Variants in ZNF470 observed in about 807,000 individuals in gnomAD.
The protein encoded by ZNF470 is chondrogenesis zinc finger protein 1.
ZNF470 carries 13 observed loss-of-function variants against 13.9 expected under a neutral mutation model. The ratio of observed to expected loss-of-function variants is 0.94; its 90% confidence interval spans 0.61 to 1.49. The LOEUF is 1.49. Among genes scored for constraint, ZNF470 ranks in the 40% most tolerant of loss-of-function variants. The pLI is 0.00. For missense variants in ZNF470, 929 were observed against 857.3 expected (o/e 1.08, Z -1.04); for synonymous variants, 293 against 282.9 (o/e 1.04, Z -0.36).
chr19:56,581,169 C>T lies in ZNF470; in HGVS notation c.*2586C>T, dbSNP rs903835807. ...GTGATATTCAAAGTACTATTACAAA[C>T]CAATAATAATCTGCAACTTAGAAAA... On this transcript the variant is annotated 3_prime_UTR_variant, in exon 6 of 6. Coordinates refer to ENST00000330619, the MANE Select transcript of ZNF470 (RefSeq NM_001001668.4). 2 of 788,432 alleles carry T rather than the reference C, an allele frequency of 2.5e-6. No homozygotes were observed. Among genetic ancestry groups the T allele is most frequent in the Non-Finnish European group, 3.1e-6 (2 of 650,758 alleles). The allele number at this position is 788,432 out of a possible 1,614,324, so 48.8% of individuals were successfully genotyped here. A position where few individuals can be genotyped will look rare whatever the true frequency, so the allele number is the denominator to read the frequency against.
At position 56,577,256 on chromosome 19, in the gene ZNF470, G is replaced by C; in HGVS notation, c.827G>C (p.Arg276Thr). The C allele has an allele frequency of 3.7e-6, 6 of 1,612,402 alleles. No homozygotes were observed. The highest frequency in any genetic ancestry group is 5.1e-6 in the Non-Finnish European group (6 of 1,179,202). Residue 276 changes from arginine to threonine, a missense_variant, in exon 6 of 6, where the codon AGA becomes ACA. Arg to Thr is a moderately conservative substitution (Grantham distance 71, BLOSUM62 -1). Transcript: ENST00000330619. ...AGTGCCCACCTTGCTCAACATCAGAGAATACACACAGGAGAAAAACCTTTT... is the reference window on the plus strand; with the variant it reads ...AGTGCCCACCTTGCTCAACATCAGACAATACACACAGGAGAAAAACCTTTT... ...SQSAHLAQHQRIHTGEKPFEC... is the reference protein window; with the variant it reads ...SQSAHLAQHQTIHTGEKPFEC...
At position 56,578,271 on chromosome 19, in the gene ZNF470, T is replaced by G. The variant is rs751912766; in HGVS notation, c.1842T>G (p.Cys614Trp). 1 of 1,613,626 alleles carries G rather than the reference T, an allele frequency of 6.2e-7. No homozygotes were observed. The highest frequency in any genetic ancestry group is 2.2e-5 in the East Asian group (1 of 44,864). Residue 614 changes from cysteine to tryptophan, a missense_variant, in exon 6 of 6, where the codon TGT (cysteine) becomes TGG (tryptophan). Physicochemically the swap from Cys to Trp is radical, Grantham distance 215. Transcript: ENST00000330619. ...QRASLICHQR[C>W]HTGEKPYECN... ...CATCCTTGATTTGTCATCAGAGATG[T>G]CATACTGGTGAGAAACCTTATGAAT...
chr19:56,574,801 A>T (rs996869371), intron 5 of ZNF470, 68 bp downstream of exon 5: 20 of 1,390,712 alleles, frequency 1.4e-5, no homozygotes, highest in Non-Finnish European at 1.9e-5. Flanking sequence ...AGTGTGTTGG[A>T]AAACACCTCT....
chr19:56,567,814 C>G lies in ZNF470; in HGVS notation c.-383C>G. 1.0e-6 allele frequency: 1 copy of G among 986,466 alleles called. No homozygotes were observed. Among genetic ancestry groups the G allele is most frequent in the Admixed American group, 6.1e-5 (1 of 16,290 alleles). The allele number at this position is 986,466 out of a possible 1,614,324, so 61.1% of individuals were successfully genotyped here. On this transcript the variant is annotated 5_prime_UTR_variant, in exon 1 of 6. Coordinates refer to ENST00000330619, the MANE Select transcript of ZNF470 (RefSeq NM_001001668.4). ...GAATGAGTGAAGCACTTTAAGTGGCCAAGAGCAGGAAACCCGGCCGGAGGA... is the reference window on the plus strand; with the variant it reads ...GAATGAGTGAAGCACTTTAAGTGGCGAAGAGCAGGAAACCCGGCCGGAGGA...
rs984306041 is a variant in ZNF470 at position 56,579,813 on chromosome 19, T to C, written c.*1230T>C. ...GATAAAAATATTTCTCCCTAAATTG[T>C]AAATTCATTGATATTCCAGTAAAAA... On this transcript the variant is annotated 3_prime_UTR_variant, in exon 6 of 6. Coordinates refer to ENST00000330619, the MANE Select transcript of ZNF470 (RefSeq NM_001001668.4). 12 of 873,510 alleles carry C rather than the reference T, an allele frequency of 1.4e-5. No individual in the cohort carries two copies. The highest frequency in any genetic ancestry group is 6.2e-5 in the Admixed American group (1 of 16,120). The allele number at this position is 873,510 out of a possible 1,614,324, so 54.1% of individuals were successfully genotyped here. A position where few individuals can be genotyped will look rare whatever the true frequency, so the allele number is the denominator to read the frequency against.
rs766851710 is a variant in ZNF470 at position 56,577,950 on chromosome 19, A to AC, written c.1523dup (p.Tyr509LeufsTer2). The AC allele has an allele frequency of 6.2e-7, 1 of 1,614,062 alleles. No individual in the cohort carries two copies. On this transcript the variant is annotated frameshift_variant, in exon 6 of 6. Coordinates refer to ENST00000330619, the MANE Select transcript of ZNF470 (RefSeq NM_001001668.4). LOFTEE classifies it low-confidence loss of function (END_TRUNC). ...ATCAGAGAATTCATACTGGAGAGAAACCTTATGAATGTAAGGAATGCAGCA... is the reference window on the plus strand; with the variant it reads ...ATCAGAGAATTCATACTGGAGAGAAACCCTTATGAATGTAAGGAATGCAGCA...
rs1177574285 is a variant in ZNF470, at chr19:56,581,003, G to T, written c.*2420G>T. The T allele has an allele frequency of 1.0e-6, 1 of 984,982 alleles. No homozygotes were observed. The highest frequency in any genetic ancestry group is 1.1e-4 in the East Asian group (1 of 8,830). The allele number at this position is 984,982 out of a possible 1,614,324, so 61.0% of individuals were successfully genotyped here. A position where few individuals can be genotyped will look rare whatever the true frequency, so the allele number is the denominator to read the frequency against. ...ACAGAATAATATATATGTACCCTCG[G>T]TTTGAAATAGACTTTAAGCACTAAT... On this transcript the variant is annotated 3_prime_UTR_variant, in exon 6 of 6. Transcript: ENST00000330619.
At position 56,568,013 on chromosome 19, in the gene ZNF470, G is replaced by A. The variant is rs1192511262; in HGVS notation, c.-184G>A. ...CCATGTCCACAGGACGGCGAGGAGC[G>A]AAGACCATGGGGACTGAGTACACAG... On this transcript the variant is annotated 5_prime_UTR_variant, in exon 1 of 6. Coordinates refer to ENST00000330619, the MANE Select transcript of ZNF470 (RefSeq NM_001001668.4). 2 of 985,516 alleles carry A rather than the reference G, an allele frequency of 2.0e-6. No homozygotes were observed. The highest frequency in any genetic ancestry group is 1.2e-6 in the Non-Finnish European group (1 of 830,072). The allele number at this position is 985,516 out of a possible 1,614,324, so 61.0% of individuals were successfully genotyped here.
intron 3 of ZNF470, among the ~76,000 whole-genome samples, chr19:56,572,267 G>A (rs915668769): frequency 7.3e-6 from 1 of 136,358 alleles, no homozygotes; most frequent in Non-Finnish European, 1.5e-5. Context: ...ACTTTGGGAG[G>A]CTGAGGCGGG....
intron 3 of ZNF470, among the ~76,000 whole-genome samples, chr19:56,572,489 C>G (rs903462292): frequency 7.3e-6 from 1 of 137,520 alleles, no homozygotes; most frequent in Non-Finnish European, 1.5e-5. Context: ...TTGCCGTGAG[C>G]CAAGATTGTA....
In ZNF470 at chr19:56,578,659, A is replaced by G. The variant is rs1474132171; in HGVS notation, c.*76A>G. The G allele has an allele frequency of 1.8e-5, 25 of 1,359,910 alleles. No individual in the cohort carries two copies. The highest frequency in any genetic ancestry group is 2.4e-5 in the Non-Finnish European group (25 of 1,050,958). The allele number at this position is 1,359,910 out of a possible 1,614,324, so 84.2% of individuals were successfully genotyped here. A position where few individuals can be genotyped will look rare whatever the true frequency, so the allele number is the denominator to read the frequency against. On this transcript the variant is annotated 3_prime_UTR_variant, in exon 6 of 6. Transcript: ENST00000330619. Reference sequence around the variant, plus strand: ...GTCCCATCATCATAGTCCAAGACGCAACCATCTCATCTGGATTTCTGCAGT... The same window carrying G: ...GTCCCATCATCATAGTCCAAGACGCGACCATCTCATCTGGATTTCTGCAGT...
Position 56,570,371 on chromosome 19 carries a change from G to C in ZNF470, c.60G>C (p.Leu20=). ...AGIKLCKAMS[L]GSVTFTDVAI... Reference sequence around the variant, plus strand: ...TTAAACTTTGTAAAGCCATGTCCCTGGTGAGTTAGTATTCCCCCTCTCCCC... The same window carrying C: ...TTAAACTTTGTAAAGCCATGTCCCTCGTGAGTTAGTATTCCCCCTCTCCCC... Residue 20 remains leucine (L), a splice_region_variant and synonymous_variant, in exon 3 of 6, where the codon CTG becomes CTC. Transcript: ENST00000330619. 6.2e-7 allele frequency: 1 copy of C among 1,613,930 alleles called. No homozygotes were observed. Among genetic ancestry groups the C allele is most frequent in the Non-Finnish European group, 8.5e-7 (1 of 1,179,886 alleles).
At chr19:56,571,465 A>G (rs1422281826) in intron 3 of ZNF470, among the ~76,000 whole-genome samples, 1 of 152,210 alleles carries the variant, frequency 6.6e-6, no homozygotes, top group Non-Finnish European at 1.5e-5. Flanking sequence ...GAAGCTTCAG[A>G]GCTACAGTTC....
In ZNF470 at chr19:56,581,974, C is replaced by T. The variant is rs117563646; in HGVS notation, c.*3391C>T. 1,590 of 985,328 alleles carry T rather than the reference C, an allele frequency of 1.6e-3. 27 individuals are homozygous for T. In the East Asian group the frequency reaches 0.044, roughly 27 times the overall value. 61.0% of individuals were successfully genotyped at this position (985,328 alleles called of 1,614,324 possible). Reference sequence around the variant, plus strand: ...TTCCTCAAACTACCCATTGTCTTTCCGGTACTTGATTTTTGCCTCCTGTTG... The same window carrying T: ...TTCCTCAAACTACCCATTGTCTTTCTGGTACTTGATTTTTGCCTCCTGTTG... On this transcript the variant is annotated 3_prime_UTR_variant, in exon 6 of 6. Coordinates refer to ENST00000330619, the MANE Select transcript of ZNF470 (RefSeq NM_001001668.4).
At position 56,579,067 on chromosome 19, in the gene ZNF470, CATT is replaced by C. The variant is rs1218636937; in HGVS notation, c.*485_*487del. The C allele has an allele frequency of 3.0e-6, 3 of 985,676 alleles. No homozygotes were observed. Among genetic ancestry groups the C allele is most frequent in the Admixed American group, 6.1e-5 (1 of 16,280 alleles). The allele number at this position is 985,676 out of a possible 1,614,324, so 61.1% of individuals were successfully genotyped here. Reference sequence around the variant, plus strand: ...TGGTGGCTTATCACTCCCTCTGTGACATTGTTGATGAGCAACTCTCACTTTACC... The same window carrying C: ...TGGTGGCTTATCACTCCCTCTGTGACGTTGATGAGCAACTCTCACTTTACC... On this transcript the variant is annotated 3_prime_UTR_variant, in exon 6 of 6. Coordinates refer to ENST00000330619, the MANE Select transcript of ZNF470 (RefSeq NM_001001668.4).
In ZNF470 at chr19:56,582,342, A is replaced by G; in HGVS notation, c.*3759A>G. ...CTCTTGAATTTCTAGCATTAAGGCA[A>G]AAAAAATTCACCTAAGGGATTTTGT... On this transcript the variant is annotated 3_prime_UTR_variant, in exon 6 of 6. Transcript: ENST00000330619. 1.0e-6 allele frequency: 1 copy of G among 985,406 alleles called. No homozygotes were observed. The highest frequency in any genetic ancestry group is 1.2e-6 in the Non-Finnish European group (1 of 829,932). The allele number at this position is 985,406 out of a possible 1,614,324, so 61.0% of individuals were successfully genotyped here.
At chr19:56,569,348 C>A (rs561262602) in intron 2 of ZNF470, among the ~76,000 whole-genome samples, 1 of 152,146 alleles carries the variant, frequency 6.6e-6, no homozygotes, top group Non-Finnish European at 1.5e-5. Flanking sequence ...GTCACATGGA[C>A]TCTGTTGTAA....
chr19:56,580,184 G>A lies in ZNF470; in HGVS notation c.*1601G>A. On this transcript the variant is annotated 3_prime_UTR_variant, in exon 6 of 6. Transcript: ENST00000330619. ...GTATTAGAGGATGAGGGAAGAACTA[G>A]AGGTAACTGTGAGACACAAAAGGCA... 2.1e-6 allele frequency: 2 copies of A among 962,860 alleles called. No individual in the cohort carries two copies. Among genetic ancestry groups the A allele is most frequent in the Non-Finnish European group, 2.4e-6 (2 of 823,586 alleles). 59.6% of individuals were successfully genotyped at this position (962,860 alleles called of 1,614,324 possible).
chr19:56,575,852 T>A, intron 5 of ZNF470, among the ~76,000 whole-genome samples: 1 of 151,728 alleles, frequency 6.6e-6, no homozygotes. Context: ...TAAGAAATAA[T>A]GAAAATCAGT....
Sources: allele counts gnomAD v4.1 joint callset (sites outside exome capture counted in the v4.1 genomes callset), GRCh38; gene constraint gnomAD v4.1.1; transcripts MANE v1.5; gene names NCBI Gene and HGNC (gene_info 2026-07-23, HGNC 2026-07-21).